REV1: variants seen among roughly 807,000 people sequenced by gnomAD.
The protein encoded by REV1 is REV1 DNA directed polymerase, also known as translesion synthesis protein REV1.
A neutral mutation model predicts 137.4 loss-of-function variants in REV1; 42 were observed. The observed-to-expected ratio is 0.31, with a 90% CI of 0.24 to 0.40. The LOEUF (loss-of-function observed/expected upper bound fraction) is 0.40, where lower values mean the gene tolerates loss of function less well. REV1 is among the 10% of genes least tolerant of loss of function. REV1 has a pLI of 1.00. For synonymous variants in REV1, 524 were observed against 519.2 expected (o/e 1.01, Z -0.12); for missense variants, 1,282 against 1,490.1 (o/e 0.86, Z 2.30).
chr2:99,431,134 A>T (rs913934127), intron 8 of REV1, among the ~76,000 whole-genome samples: 1 of 152,200 alleles, frequency 6.6e-6, no homozygotes, highest in Non-Finnish European at 1.5e-5. Flanking sequence ...TCCTGGTTTG[A>T]CCAATAATCA....
Position 99,438,653 on chromosome 2 carries a change from T to C in REV1, c.1161A>G (p.Glu387=), listed in dbSNP as rs776178333. Residue 387 remains glutamate (E), a synonymous_variant, in exon 6 of 23, where the codon GAA becomes GAG. Coordinates refer to ENST00000258428, the MANE Select transcript of REV1 (RefSeq NM_016316.4). ...RQSNGIFPGR[E]KLKKMKTGRS... ...TGCCTGTTTTCATTTTTTTTAACTT[T>C]TCCCTTCCTGGAAAGATACCATTAC... 5 of 1,614,122 alleles carry C rather than the reference T, an allele frequency of 3.1e-6. No individual in the cohort carries two copies. The Admixed American group carries it at 6.7e-5, about 22-fold the overall frequency.
At position 99,480,239 on chromosome 2, in the gene REV1, C is replaced by G. The variant is rs374078558; in HGVS notation, c.-11+9578G>C. On this transcript the variant is annotated intron_variant, in intron 1 of 22. Transcript: ENST00000258428. ...TTGGGAGAGTGGGATGGGAGAACTG[C>G]TTGAGCCTGGGAGGTTAAGACTGTA... Among the ~76,000 whole-genome samples, 5 of 152,226 alleles carry G rather than the reference C, an allele frequency of 3.3e-5. No individual in the cohort carries two copies. The East Asian group carries it at 9.7e-4, about 29-fold the overall frequency.
chr2:99,452,933 G>T (rs1222682768), intron 3 of REV1, among the ~76,000 whole-genome samples: 1 of 152,200 alleles, frequency 6.6e-6, no homozygotes, highest in Non-Finnish European at 1.5e-5. Context: ...TTGGATTTCA[G>T]GCAAGTTATT....
At chr2:99,477,621 T>C (rs984491595) in intron 1 of REV1, among the ~76,000 whole-genome samples, 1 of 152,200 alleles carries the variant, frequency 6.6e-6, no homozygotes, top group Non-Finnish European at 1.5e-5. Flanking sequence ...AAATTAAAAA[T>C]AGACAAACAA....
Position 99,402,624 on chromosome 2 carries a change from C to G in REV1, c.3541+20G>C, listed in dbSNP as rs756914997. On this transcript the variant is annotated intron_variant, in intron 21 of 22. Transcript: ENST00000258428. ...CGACTACATCTCAGCCTTGGGCCATCTAACACAGGCCAAGCCAACCTGAAA... is the reference window on the plus strand; with the variant it reads ...CGACTACATCTCAGCCTTGGGCCATGTAACACAGGCCAAGCCAACCTGAAA... The G allele has an allele frequency of 1.1e-5, 17 of 1,610,350 alleles. No homozygotes were observed. The highest frequency in any genetic ancestry group is 4.0e-5 in the African/African-American group (3 of 74,834).
intron 9 of REV1, among the ~76,000 whole-genome samples, chr2:99,429,152 C>A (rs1455588081): frequency 1.3e-5 from 2 of 152,124 alleles, no homozygotes; most frequent in Admixed American, 6.5e-5. Flanking sequence ...ATGAAGACTT[C>A]TCTTTTTAAT....
chr2:99,416,318 C>T (rs1156390117), intron 12 of REV1, among the ~76,000 whole-genome samples: 1 of 152,222 alleles, frequency 6.6e-6, no homozygotes, highest in Non-Finnish European at 1.5e-5. Context: ...TGTACAAACC[C>T]CTCCACCACA....
chr2:99,434,484 T>TA (rs1271124335), intron 7 of REV1, 36 bp from the exon 8 acceptor site: 4 of 1,437,666 alleles, frequency 2.8e-6, no homozygotes, highest in African/African-American at 1.4e-5. Flanking sequence ...CTGTATGTGG[T>TA]ACAGGAATGT....
rs372320838 is a variant in REV1, at chr2:99,441,983, G to A, written c.503+334C>T. Among the ~76,000 whole-genome samples, 63 of 152,210 alleles carry A rather than the reference G, an allele frequency of 4.1e-4. 2 individuals carry two copies. The South Asian group carries it at 0.012, about 30-fold the overall frequency. On this transcript the variant is annotated intron_variant, in intron 5 of 22. Transcript: ENST00000258428. ...AAAACCAGCTTTGTGGCCAGGCGTG[G>A]TGGCTCATGCCTGTAACCCCAGCAC...
chr2:99,480,265 G>A (rs919709730), intron 1 of REV1, among the ~76,000 whole-genome samples: 2 of 152,178 alleles, frequency 1.3e-5, no homozygotes, highest in Non-Finnish European at 2.9e-5. Context: ...TAAGACTGTA[G>A]TGAGCCATCA....
In REV1 at chr2:99,462,577, G is replaced by A. The variant is rs1276405320; in HGVS notation, c.100C>T (p.Arg34Ter). Residue 34 changes from arginine (R) to a stop codon, truncating the protein, a stop_gained, in exon 3 of 23, where the codon CGA (arginine) becomes TGA (stop). Coordinates refer to ENST00000258428, the MANE Select transcript of REV1 (RefSeq NM_016316.4). LOFTEE classifies it high-confidence loss of function. ...TCCTTCTGCATAGCAGCATCTGATC[G>A]AAACTGTTCCTCCAATTTCTGGACC... The part of the protein sequence containing the change: ...AKVQKLEEQF[R>*]SDAAMQKDGT... 3 of 1,612,888 alleles carry A rather than the reference G, an allele frequency of 1.9e-6. No homozygotes were observed. Among genetic ancestry groups the A allele is most frequent in the African/African-American group, 1.3e-5 (1 of 74,816 alleles).
chr2:99,484,479 TTAAGACA>T (rs1218173760), intron 1 of REV1, among the ~76,000 whole-genome samples: 1 of 152,202 alleles, frequency 6.6e-6, no homozygotes, highest in Admixed American at 6.5e-5. Context: ...CTGAGCAAAC[TTAAGACA>T]TTTATGTTTT....
intron 4 of REV1, 26 bp downstream of exon 4, chr2:99,449,310 A>G (rs1682644121): frequency 2.3e-6 from 3 of 1,314,170 alleles, no homozygotes; most frequent in Non-Finnish European, 2.0e-6. Flanking sequence ...AAAATTTATT[A>G]ATTAAATTTA....
chr2:99,448,610 T>A (rs1008240611), intron 4 of REV1, among the ~76,000 whole-genome samples: 1 of 152,220 alleles, frequency 6.6e-6, no homozygotes, highest in African/African-American at 2.4e-5. Flanking sequence ...GCTAAAAACC[T>A]ATGTGATAGA....
chr2:99,452,139 TGGG>T (rs1683000025), intron 3 of REV1, among the ~76,000 whole-genome samples: 3 of 152,060 alleles, frequency 2.0e-5, no homozygotes, highest in Admixed American at 2.0e-4. Flanking sequence ...GAAAAAAAAT[TGGG>T]AGCCAAGCAC....
intron 9 of REV1, among the ~76,000 whole-genome samples, chr2:99,429,169 T>TC: frequency 6.6e-6 from 1 of 152,162 alleles, no homozygotes; most frequent in Middle Eastern, 3.2e-3. Context: ...TAATTATTAC[T>TC]CCCTCTACTT....
At chr2:99,466,753 T>C (rs116714563) in intron 1 of REV1, among the ~76,000 whole-genome samples, 1,993 of 152,156 alleles carry the variant, frequency 0.013, 44 homozygotes, top group African/African-American at 0.046. Flanking sequence ...CGAGAAAAGG[T>C]GGTAAACTGA....
chr2:99,403,077 C>G lies in REV1; in HGVS notation c.3196G>C (p.Ala1066Pro), dbSNP rs200713416. Residue 1066 changes from alanine (A) to proline (P), a missense_variant, in exon 20 of 23, where the codon GCA becomes CCA. Coordinates refer to ENST00000258428, the MANE Select transcript of REV1 (RefSeq NM_016316.4). ...TTTCTTTTCTTTTCTTTCACTGCTG[C>G]CTTTAGATGAAGTAAAGGATTCTTT... ...VPKNPLLHLK[A>P]AVKEKKRNKK... is the part of the protein sequence containing the mutation. 1.3e-5 allele frequency: 21 copies of G among 1,611,218 alleles called. No homozygotes were observed. Among genetic ancestry groups the G allele is most frequent in the Non-Finnish European group, 1.8e-5 (21 of 1,178,790 alleles).
chr2:99,477,723 A>C (rs899680685), intron 1 of REV1, among the ~76,000 whole-genome samples: 1 of 152,248 alleles, frequency 6.6e-6, no homozygotes, highest in African/African-American at 2.4e-5. Context: ...TGATCTGATT[A>C]AAAGGAAAGC....
Sources: allele counts gnomAD v4.1 joint callset (sites outside exome capture counted in the v4.1 genomes callset), GRCh38; gene constraint gnomAD v4.1.1; transcripts MANE v1.5; gene names NCBI Gene and HGNC (gene_info 2026-07-23, HGNC 2026-07-21).